The following EP400 variants were observed in gnomAD, a reference collection of about 807,000 sequenced individuals.
EP400 encodes the protein E1A-binding protein p400.
In EP400, 105 loss-of-function variants were observed where a neutral mutation model predicts 354.1. The ratio of observed to expected loss-of-function variants is 0.30; its 90% CI spans 0.25 to 0.35. The LOEUF (loss-of-function observed/expected upper bound fraction) is 0.35. EP400 is among the 10% of genes least tolerant of loss of function. EP400 has a pLI of 1.00. For missense variants in EP400, 3,280 were observed against 4,121.0 expected (o/e 0.80, Z 5.59); for synonymous variants, 1,646 against 1,716.9 (o/e 0.96, Z 1.02).
In EP400 at chr12:132,027,636, G is replaced by A; in HGVS notation, c.5109+105G>A. The A allele has an allele frequency of 4.5e-6, 4 of 896,866 alleles. No individual in the cohort carries two copies. Among genetic ancestry groups the A allele is most frequent in the Non-Finnish European group, 6.7e-6 (4 of 597,292 alleles). The allele number at this position is 896,866 out of a possible 1,614,324, so 55.6% of individuals were successfully genotyped here. A position where few individuals can be genotyped will look rare whatever the true frequency, so the allele number is the denominator to read the frequency against. ...TTTAAAGGCTCCTGTGAATTCTCAA[G>A]TGATGTTACTGAATTCTTATTTTAA... On this transcript the variant is annotated intron_variant, in intron 26 of 52. Transcript: ENST00000389561. This position sits in a 1 kb window ranked among gnomAD's most constrained non-coding sequence, Gnocchi z 4.9.
intron 51 of EP400, chr12:132,076,239 GT>G: frequency 2.0e-6 from 1 of 496,702 alleles, no homozygotes; most frequent in East Asian, 4.2e-5. Context: ...ACTTGCAGTC[GT>G]TTTTGTGAAA....
At chr12:131,969,058 A>G (rs1007590571) in intron 2 of EP400, among the ~76,000 whole-genome samples, 2 of 110,178 alleles carry the variant, frequency 1.8e-5, no homozygotes, top group African/African-American at 8.0e-5. Context: ...TTTTTTTTTT[A>G]TCGTATTGGC....
At position 132,066,872 on chromosome 12, in the gene EP400, C is replaced by G; in HGVS notation, c.8652C>G (p.Ser2884=). 1 of 1,613,920 alleles carries G rather than the reference C, an allele frequency of 6.2e-7. No individual in the cohort carries two copies. The highest frequency in any genetic ancestry group is 2.2e-5 in the East Asian group (1 of 44,856). Residue 2884 remains serine, a synonymous_variant, in exon 49 of 53, where the codon TCC becomes TCG. Coordinates refer to ENST00000389561, the MANE Select transcript of EP400 (RefSeq NM_015409.5). ...QVALAKPPVV[S]VPAAVVSSPG... is the part of the protein sequence containing the mutation. Reference sequence around the variant, plus strand: ...CCTTGGCGAAGCCTCCGGTGGTGTCCGTCCCGGCAGCTGTGGTCTCCTCAC... The same window carrying G: ...CCTTGGCGAAGCCTCCGGTGGTGTCGGTCCCGGCAGCTGTGGTCTCCTCAC...
chr12:132,011,674 G>A (rs780666659), intron 16 of EP400, 40 bp downstream of exon 16: 7 of 1,562,348 alleles, frequency 4.5e-6, no homozygotes, highest in Non-Finnish European at 8.6e-7. Flanking sequence ...TAAACAGAAA[G>A]CCATGTTAAT....
chr12:132,053,297 C>T, intron 42 of EP400, 46 bp from the exon 43 acceptor site: 2 of 1,603,154 alleles, frequency 1.2e-6, no homozygotes, highest in Non-Finnish European at 1.7e-6. Context: ...GGTATGCAGG[C>T]CGAGTCTGCC....
chr12:132,062,515 G>C lies in EP400; in HGVS notation c.8148G>C (p.Gln2716His). 1 of 1,612,634 alleles carries C rather than the reference G, an allele frequency of 6.2e-7. No individual in the cohort carries two copies. The highest frequency in any genetic ancestry group is 8.5e-7 in the Non-Finnish European group (1 of 1,179,586). ...PGKTITPAHF[Q>H]LLRQQQQQQQ... is the part of the protein sequence containing the mutation. ...AAACCATCACACCTGCACATTTCCA[G>C]CTTCTCAGGCAGCAGCAGCAGCAGC... The change falls in exon 47 of 53, where the codon CAG becomes CAC. Residue 2716 changes from glutamine to histidine, a missense_variant. Around this residue, in one of 20 missense-constraint regions of EP400, gnomAD observed 11 missense variants for 34.5 expected, o/e 0.32. Transcript: ENST00000389561.
intron 12 of EP400, among the ~76,000 whole-genome samples, chr12:131,996,690 T>C (rs1182580187): frequency 2.0e-5 from 3 of 152,260 alleles, no homozygotes; most frequent in Non-Finnish European, 4.4e-5. Context: ...CTTGATATTG[T>C]CTGCCACTCT....
chr12:131,992,784 A>G (rs182582811), intron 11 of EP400, among the ~76,000 whole-genome samples: 2 of 152,272 alleles, frequency 1.3e-5, no homozygotes, highest in East Asian at 3.9e-4. Context: ...GAGAGGTTGG[A>G]GAAACTTTCT....
intron 12 of EP400, 147 bp downstream of exon 12, chr12:131,995,103 C>T (rs1593333451): frequency 1.4e-6 from 1 of 712,166 alleles, no homozygotes; most frequent in East Asian, 3.0e-5. Flanking sequence ...GCTGCTCTCT[C>T]TCCTGACCTG....
intron 1 of EP400, among the ~76,000 whole-genome samples, chr12:131,952,530 A>G (rs559172829): frequency 2.4e-4 from 36 of 151,984 alleles, no homozygotes; most frequent in Admixed American, 3.9e-4. Context: ...TGGCATGATC[A>G]TAGCTTTACT....
At chr12:132,014,715 C>T (rs1593347380) in intron 19 of EP400, among the ~76,000 whole-genome samples, 1 of 152,212 alleles carries the variant, frequency 6.6e-6, no homozygotes, top group Non-Finnish European at 1.5e-5. Context: ...CAGGCACAGT[C>T]AGACACACTG....
intron 7 of EP400, among the ~76,000 whole-genome samples, chr12:131,989,319 C>T (rs1892956980): frequency 6.6e-6 from 1 of 152,238 alleles, no homozygotes; most frequent in Non-Finnish European, 1.5e-5. Context: ...CCACCCCGAT[C>T]AGGGCCTGTG....
chr12:132,036,042 AC>A (rs1430725189), intron 30 of EP400, among the ~76,000 whole-genome samples: 2 of 151,056 alleles, frequency 1.3e-5, no homozygotes, highest in African/African-American at 4.9e-5. Flanking sequence ...GGAAGCACAC[AC>A]CCAGGTTCAC....
At chr12:132,037,602 C>A in intron 30 of EP400, 80 bp from the exon 31 acceptor site, 2 of 1,118,230 alleles carry the variant, frequency 1.8e-6, no homozygotes, top group Non-Finnish European at 2.7e-6. Flanking sequence ...ATTCGTTGAT[C>A]ACCATCTGCA....
chr12:132,002,789 G>A (rs1893460284), intron 12 of EP400, among the ~76,000 whole-genome samples: 2 of 152,242 alleles, frequency 1.3e-5, no homozygotes, highest in South Asian at 4.1e-4. Context: ...GAGACCAGGA[G>A]TGAACACCAG....
At chr12:132,065,291 C>T (rs1189215042) in intron 48 of EP400, 1 of 220,334 alleles carries the variant, frequency 4.5e-6, no homozygotes, top group Non-Finnish European at 9.1e-6. Flanking sequence ...CAGGTGACCG[C>T]TGTAGGCAGG....
At chr12:131,982,534 C>A in intron 5 of EP400, 56 bp downstream of exon 5, 1 of 1,541,886 alleles carries the variant, frequency 6.5e-7, no homozygotes, top group Non-Finnish European at 8.8e-7. Flanking sequence ...TGCTGGCTAC[C>A]TGTGTGTTAG....
chr12:132,059,245 G>A (rs968807905), intron 45 of EP400, among the ~76,000 whole-genome samples: 5 of 152,222 alleles, frequency 3.3e-5, no homozygotes, highest in South Asian at 4.1e-4. Context: ...TTGATACACC[G>A]AGGTAGGGCC....
chr12:132,008,583 C>A (rs1022916070), intron 15 of EP400, among the ~76,000 whole-genome samples: 1 of 150,700 alleles, frequency 6.6e-6, no homozygotes, highest in East Asian at 2.0e-4. Context: ...GTAGCCTATA[C>A]ATTTTTTTTT....
Sources: allele counts gnomAD v4.1 joint callset (sites outside exome capture counted in the v4.1 genomes callset), GRCh38; gene constraint gnomAD v4.1.1; regional missense constraint gnomAD v4.1.1; non-coding constraint Gnocchi (gnomAD v3.1); transcripts MANE v1.5; gene names NCBI Gene and HGNC (gene_info 2026-07-23, HGNC 2026-07-21).